Variants in GPC4 observed in about 807,000 individuals in gnomAD.
GPC4 encodes the protein glypican 4, also known as glypican-4.
In GPC4, 10 loss-of-function variants were observed where a neutral mutation model predicts 35.0. The observed-to-expected ratio is 0.29, with a 90% CI of 0.18 to 0.48. The LOEUF (loss-of-function observed/expected upper bound fraction) is 0.48. Among genes scored for constraint, GPC4 ranks in the 20% least tolerant of loss-of-function variants. GPC4 has a pLI of 0.99. For synonymous variants in GPC4, 167 were observed against 170.2 expected (o/e 0.98, Z 0.15); for missense variants, 322 against 451.3 (o/e 0.71, Z 2.60).
At chrX:133,354,801 C>T (rs2068534311) in intron 1 of GPC4, among the ~76,000 whole-genome samples, 2 of 107,709 alleles carry the variant, frequency 1.9e-5, no homozygotes, top group Non-Finnish European at 3.8e-5. Context: ...ATCTCCTGAC[C>T]TCATGATCCA....
At chrX:133,364,898 T>C (rs2068583580) in intron 1 of GPC4, among the ~76,000 whole-genome samples, 1 of 112,206 alleles carries the variant, frequency 8.9e-6, no homozygotes, top group Admixed American at 9.5e-5. Context: ...ATCAAGATGT[T>C]CTACTAATAC....
At position 133,300,257 on chromosome X, in the gene GPC4, A is replaced by T. The variant is rs2068262486; in HGVS notation, c.*2610T>A. 1 of 112,602 alleles carries T rather than the reference A, an allele frequency of 8.9e-6. No homozygotes were observed. Among genetic ancestry groups the T allele is most frequent in the Admixed American group, 9.4e-5 (1 of 10,626 alleles). The allele number at this position is 112,602 out of a possible 1,213,427, so 9.3% of individuals were successfully genotyped here. On this transcript the variant is annotated 3_prime_UTR_variant, in exon 9 of 9. Coordinates refer to ENST00000370828, the MANE Select transcript of GPC4 (RefSeq NM_001448.3). Reference sequence around the variant, plus strand: ...TCTTTTAATCAAAATAACAGGTGCTAGTTACGATTTTTGAAATAAAATATA... The same window carrying T: ...TCTTTTAATCAAAATAACAGGTGCTTGTTACGATTTTTGAAATAAAATATA...
chrX:133,403,469 A>T lies in GPC4; in HGVS notation c.160+11337T>A, dbSNP rs757610463. Among the ~76,000 whole-genome samples, 4 of 111,621 alleles carry T rather than the reference A, an allele frequency of 3.6e-5. 1 individual carries two copies. ...ACATTCATGAGGGTTTACCTCCCAG[A>T]GACTCCACCTCCTAATACCATCACC... is the stretch of plus-strand genomic sequence containing the variant. On this transcript the variant is annotated intron_variant, in intron 1 of 8. Transcript: ENST00000370828.
intron 1 of GPC4, among the ~76,000 whole-genome samples, chrX:133,355,436 T>C (rs904990136): frequency 8.9e-6 from 1 of 112,058 alleles, no homozygotes. Context: ...TGAACCTTCA[T>C]AGCTCCATGA....
chrX:133,341,129 A>G (rs935929598), intron 1 of GPC4, among the ~76,000 whole-genome samples: 7 of 112,072 alleles, frequency 6.2e-5, no homozygotes, highest in African/African-American at 2.3e-4. Context: ...AACCAAAAAC[A>G]AAACTCCCTC....
intron 1 of GPC4, among the ~76,000 whole-genome samples, chrX:133,395,291 G>C (rs1009216158): frequency 4.5e-5 from 5 of 111,333 alleles, no homozygotes; most frequent in Non-Finnish European, 7.5e-5. Context: ...TATTGAATAT[G>C]ATCAAATAAT....
chrX:133,308,964 A>G lies in GPC4; in HGVS notation c.877+2294T>C, dbSNP rs181386643. ...CATTAGCTGCAGTCATTTAAAGGGG[A>G]AAGAAAAATTCCTTGCAAACAGAAA... is the stretch of plus-strand genomic sequence containing the variant. On this transcript the variant is annotated intron_variant, in intron 4 of 8. Transcript: ENST00000370828. 7.0e-3 allele frequency among the ~76,000 whole-genome samples: 773 copies of G among 109,700 alleles called. 6 individuals are homozygous for G. The highest frequency in any genetic ancestry group is 0.012 in the Admixed American group (118 of 10,223).
intron 1 of GPC4, among the ~76,000 whole-genome samples, chrX:133,410,800 A>C (rs2068809469): frequency 8.9e-6 from 1 of 112,695 alleles, no homozygotes; most frequent in Admixed American, 9.4e-5. Flanking sequence ...GAGCTGCATA[A>C]GCCAGAACTT....
intron 1 of GPC4, among the ~76,000 whole-genome samples, chrX:133,345,379 G>C (rs946277003): frequency 3.6e-5 from 4 of 112,421 alleles, no homozygotes; most frequent in Non-Finnish European, 7.5e-5. Flanking sequence ...CTGAAGTTTC[G>C]TGTTAAGAAC....
chrX:133,317,306 C>T (rs1420980052), intron 3 of GPC4, among the ~76,000 whole-genome samples: 1 of 111,483 alleles, frequency 9.0e-6, no homozygotes, highest in African/African-American at 3.3e-5. Flanking sequence ...TATTAAAACT[C>T]TTTTAAAAAT....
chrX:133,409,908 G>A (rs773764377), intron 1 of GPC4, among the ~76,000 whole-genome samples: 1 of 111,586 alleles, frequency 9.0e-6, no homozygotes, highest in Non-Finnish European at 1.9e-5. Context: ...TCTGCTGACA[G>A]ACCTCCCTGT....
At chrX:133,347,165 T>C (rs1264818726) in intron 1 of GPC4, among the ~76,000 whole-genome samples, 2 of 104,681 alleles carry the variant, frequency 1.9e-5, no homozygotes, top group African/African-American at 7.0e-5. Flanking sequence ...AAGATGTTAA[T>C]AACGGGATAC....
chrX:133,326,474 C>A (rs2068394405), intron 2 of GPC4, among the ~76,000 whole-genome samples: 1 of 111,625 alleles, frequency 9.0e-6, no homozygotes, highest in South Asian at 3.8e-4. Context: ...TTACTATGGG[C>A]ACTCTCAGCA....
At position 133,305,937 on chromosome X, in the gene GPC4, C is replaced by T. The variant is rs1432966023; in HGVS notation, c.1009-19G>A. 5 of 1,210,673 alleles carry T rather than the reference C, an allele frequency of 4.1e-6. No homozygotes were observed. The highest frequency in any genetic ancestry group is 5.6e-6 in the Non-Finnish European group (5 of 894,925). On this transcript the variant is annotated intron_variant, in intron 5 of 8. Transcript: ENST00000370828. Reference sequence around the variant, plus strand: ...GGAAAACCTGCATTAGAGTAAGTGTCGTCATGTTAGGGAAGTCACTCCCAA... The same window carrying T: ...GGAAAACCTGCATTAGAGTAAGTGTTGTCATGTTAGGGAAGTCACTCCCAA...
At position 133,415,284 on chromosome X, in the gene GPC4, G is replaced by A; in HGVS notation, c.-319C>T. 4.0e-6 allele frequency: 1 copy of A among 246,994 alleles called. No individual in the cohort carries two copies. The allele number at this position is 246,994 out of a possible 1,213,427, so 20.4% of individuals were successfully genotyped here. A position where few individuals can be genotyped will look rare whatever the true frequency, so the allele number is the denominator to read the frequency against. On this transcript the variant is annotated 5_prime_UTR_variant, in exon 1 of 9. Transcript: ENST00000370828. Reference sequence around the variant, plus strand: ...CGCGGGGCAGCGAACCCGGCAAGCTGACTGGCCGGCGAGGCGGGGACGCGG... The same window carrying A: ...CGCGGGGCAGCGAACCCGGCAAGCTAACTGGCCGGCGAGGCGGGGACGCGG...
intron 1 of GPC4, among the ~76,000 whole-genome samples, chrX:133,385,665 T>C: frequency 9.0e-6 from 1 of 111,530 alleles, no homozygotes; most frequent in Admixed American, 9.6e-5. Context: ...TAATAACAGA[T>C]TCATCAAAAT....
At chrX:133,372,874 T>A (rs772634731) in intron 1 of GPC4, among the ~76,000 whole-genome samples, 19 of 112,250 alleles carry the variant, frequency 1.7e-4, no homozygotes, top group Non-Finnish European at 3.2e-4. Context: ...ACCAGAGGGA[T>A]GTGAACATAT....
intron 1 of GPC4, among the ~76,000 whole-genome samples, chrX:133,347,151 A>G (rs1569347670): frequency 9.2e-6 from 1 of 108,512 alleles, no homozygotes; most frequent in African/African-American, 3.4e-5. Context: ...ACCCACCCTA[A>G]TGTAAGATGT....
At chrX:133,376,506 T>C (rs954533332) in intron 1 of GPC4, among the ~76,000 whole-genome samples, 12 of 112,738 alleles carry the variant, frequency 1.1e-4, no homozygotes, top group African/African-American at 3.5e-4. Flanking sequence ...CAAATATCCT[T>C]GCAGATATAA....
Sources: gnomAD v4.1 joint callset for allele counts (sites outside exome capture counted in the v4.1 genomes callset) on GRCh38, gnomAD v4.1.1 for gene constraint, MANE v1.5 for transcripts, NCBI Gene and HGNC (gene_info 2026-07-23, HGNC 2026-07-21) for gene names.